DISP1: variants seen among roughly 807,000 people sequenced by gnomAD.
The protein encoded by DISP1 is protein dispatched homolog 1.
In DISP1, 30 loss-of-function variants were observed where a neutral mutation model predicts 37.3. The observed-to-expected ratio is 0.80, with a 90% CI of 0.60 to 1.09. The LOEUF (loss-of-function observed/expected upper bound fraction) is 1.09. Ranked by LOEUF, DISP1 falls within the 50% of genes least tolerant of loss-of-function variation. The probability of loss-of-function intolerance (pLI) is 0.00; values close to 1 mark genes in which losing one functional copy is unlikely to be tolerated. For synonymous variants in DISP1, 634 were observed against 690.2 expected (o/e 0.92, Z 1.28); for missense variants, 1,598 against 1,879.5 (o/e 0.85, Z 2.77).
intron 1 of DISP1, among the ~76,000 whole-genome samples, chr1:222,887,486 G>GTTTTTTTTTTTTTTTTTTTTT (rs940346379): frequency 8.4e-5 from 7 of 83,112 alleles, no homozygotes; most frequent in Admixed American, 1.5e-4. Flanking sequence ...CATTGTTTTT[G>GTTTTTTTTTTTTTTTTTTTTT]TTTTTTTTTT....
intron 8 of DISP1, 122 bp from the exon 9 acceptor site, chr1:223,002,263 A>G (rs778588843): frequency 1.2e-5 from 11 of 953,362 alleles, no homozygotes; most frequent in Non-Finnish European, 1.9e-5. Flanking sequence ...TTAAGTGGAT[A>G]ATTATTTAGC....
intron 1 of DISP1, among the ~76,000 whole-genome samples, chr1:222,873,067 CA>C (rs1345191325): frequency 6.6e-6 from 1 of 152,088 alleles, no homozygotes; most frequent in African/African-American, 2.4e-5. Flanking sequence ...GTTCAGTTTC[CA>C]TGTAGTTGAG....
chr1:222,862,678 A>C (rs1168322926), intron 1 of DISP1, among the ~76,000 whole-genome samples: 1 of 152,032 alleles, frequency 6.6e-6, no homozygotes, highest in Non-Finnish European at 1.5e-5. Context: ...GACTACAAGT[A>C]TGTGCCACCA....
intron 3 of DISP1, among the ~76,000 whole-genome samples, chr1:222,957,238 T>C (rs2102571505): frequency 6.6e-6 from 1 of 152,110 alleles, no homozygotes; most frequent in East Asian, 1.9e-4. Flanking sequence ...ATTTTGACCT[T>C]TAATACTGCT....
Position 222,890,502 on chromosome 1 carries a change from G to A in DISP1, c.-158-37928G>A, listed in dbSNP as rs545178169. On this transcript the variant is annotated intron_variant, in intron 1 of 8. Coordinates refer to ENST00000675850, the MANE Select transcript of DISP1 (RefSeq NM_001377229.1). Reference sequence around the variant, plus strand: ...ATATGATAAATGCTGTAAAGGAAAAGCAATGAGTGTTTATGAGAGCTGATA... The same window carrying A: ...ATATGATAAATGCTGTAAAGGAAAAACAATGAGTGTTTATGAGAGCTGATA... Among the ~76,000 whole-genome samples the A allele has an allele frequency of 3.9e-5, 6 of 152,216 alleles. No individual in the cohort carries two copies. The South Asian group carries it at 8.3e-4, about 21-fold the overall frequency.
chr1:222,956,807 T>A (rs980683477), intron 3 of DISP1, among the ~76,000 whole-genome samples: 2 of 152,136 alleles, frequency 1.3e-5, no homozygotes, highest in Non-Finnish European at 2.9e-5. Context: ...TAAGGGCTTT[T>A]CTTGGATCTC....
At position 223,004,135 on chromosome 1, in the gene DISP1, G is replaced by A; in HGVS notation, c.2738G>A (p.Arg913Lys). The change falls in exon 9 of 9, where the codon AGG becomes AAG. Residue 913 changes from arginine (R) to lysine (K), a missense_variant. Coordinates refer to ENST00000675850, the MANE Select transcript of DISP1 (RefSeq NM_001377229.1). This position sits in a 1 kb window ranked among gnomAD's most constrained non-coding sequence, Gnocchi z 4.9. The stretch of plus-strand genomic sequence containing the variant: ...TTGGATAGCAAAACCCCAGGGCCGA[G>A]GTTTGATATCAATGATACTATCAGG... The part of the protein sequence containing the change: ...YHLDSKTPGP[R>K]FDINDTIRAV... 3 of 1,614,156 alleles carry A rather than the reference G, an allele frequency of 1.9e-6. No individual in the cohort carries two copies. The South Asian group carries it at 3.3e-5, about 18-fold the overall frequency.
chr1:222,837,607 T>TTA, intron 1 of DISP1, among the ~76,000 whole-genome samples: 1 of 152,296 alleles, frequency 6.6e-6, no homozygotes, highest in South Asian at 2.1e-4. Flanking sequence ...TAGTTTCTAT[T>TTA]ATCAGTGGAT....
At chr1:222,889,380 C>T (rs879565692) in intron 1 of DISP1, among the ~76,000 whole-genome samples, 4 of 152,010 alleles carry the variant, frequency 2.6e-5, no homozygotes, top group Non-Finnish European at 5.9e-5. Flanking sequence ...CCAGGAAATG[C>T]TTTTCCTCAG....
At chr1:222,962,695 A>G (rs1380314545) in intron 3 of DISP1, among the ~76,000 whole-genome samples, 1 of 152,244 alleles carries the variant, frequency 6.6e-6, no homozygotes, top group Non-Finnish European at 1.5e-5. Context: ...TCTCCTATTC[A>G]ATAAATGGTG....
intron 1 of DISP1, among the ~76,000 whole-genome samples, chr1:222,874,088 G>A (rs1051598296): frequency 8.5e-5 from 13 of 152,196 alleles, no homozygotes; most frequent in African/African-American, 2.7e-4. Flanking sequence ...CTTTAAGAAT[G>A]TTGAATATTG....
intron 1 of DISP1, among the ~76,000 whole-genome samples, chr1:222,902,650 A>G (rs1267880161): frequency 2.6e-5 from 4 of 152,226 alleles, no homozygotes; most frequent in Non-Finnish European, 5.9e-5. Flanking sequence ...GGATATGAAC[A>G]GACACTTCTC....
intron 1 of DISP1, among the ~76,000 whole-genome samples, chr1:222,832,819 C>G (rs1278885597): frequency 6.6e-6 from 1 of 151,070 alleles, no homozygotes; most frequent in Non-Finnish European, 1.5e-5. Flanking sequence ...TCACTTGAAC[C>G]CGGGAGGTGG....
chr1:222,936,303 G>A (rs1320094793), intron 2 of DISP1, among the ~76,000 whole-genome samples: 2 of 152,008 alleles, frequency 1.3e-5, no homozygotes, highest in Non-Finnish European at 2.9e-5. Context: ...ACATATCCCC[G>A]TCCTTAGGTG....
Position 223,004,847 on chromosome 1 carries a change from G to GTGCAGTGCCTTT in DISP1, c.3452_3463dup (p.Cys1151_Phe1154dup). ...AGATTCCTTTACCTAAAAAACTACA[G>GTGCAGTGCCTTT]TGCAGTGCCTTTTCCCATGCCTTGT... On this transcript the variant is annotated inframe_insertion, in exon 9 of 9. Coordinates refer to ENST00000675850, the MANE Select transcript of DISP1 (RefSeq NM_001377229.1). The surrounding 1 kb of genome is among the most constrained non-coding windows in gnomAD (Gnocchi z 4.9). 1 of 1,609,668 alleles carries GTGCAGTGCCTTT rather than the reference G, an allele frequency of 6.2e-7. No individual in the cohort carries two copies. Among genetic ancestry groups the GTGCAGTGCCTTT allele is most frequent in the Non-Finnish European group, 8.5e-7 (1 of 1,179,966 alleles).
At chr1:222,838,099 G>C (rs1001000423) in intron 1 of DISP1, among the ~76,000 whole-genome samples, 1 of 151,920 alleles carries the variant, frequency 6.6e-6, no homozygotes, top group African/African-American at 2.4e-5. Context: ...TTACTAATAA[G>C]GCAAAGGAAG....
intron 1 of DISP1, among the ~76,000 whole-genome samples, chr1:222,826,374 A>AT (rs1664393911): frequency 7.5e-6 from 1 of 133,022 alleles, no homozygotes; most frequent in Non-Finnish European, 1.6e-5. Context: ...TTACACTTTA[A>AT]TACTTTTTTT....
chr1:222,990,818 A>G, intron 5 of DISP1, 70 bp downstream of exon 5: 1 of 1,587,440 alleles, frequency 6.3e-7, no homozygotes, highest in Non-Finnish European at 8.6e-7. Context: ...TACATGTTGC[A>G]TTATGTTATT....
chr1:222,946,639 G>A (rs937445706), intron 3 of DISP1, among the ~76,000 whole-genome samples: 2 of 152,124 alleles, frequency 1.3e-5, no homozygotes, highest in Non-Finnish European at 2.9e-5. Context: ...CCTTCATACA[G>A]CTATAAACTA....
Sources: allele counts gnomAD v4.1 joint callset (sites outside exome capture counted in the v4.1 genomes callset), GRCh38; gene constraint gnomAD v4.1.1; non-coding constraint Gnocchi (gnomAD v3.1); transcripts MANE v1.5; gene names NCBI Gene and HGNC (gene_info 2026-07-23, HGNC 2026-07-21).